PTPRD: variants seen among roughly 807,000 people sequenced by gnomAD.
PTPRD encodes protein tyrosine phosphatase receptor type D, also known as receptor-type tyrosine-protein phosphatase delta.
In PTPRD, 34 loss-of-function variants were observed where a neutral mutation model predicts 214.5. The ratio of observed to expected loss-of-function variants is 0.16; its 90% CI spans 0.12 to 0.21. The LOEUF (loss-of-function observed/expected upper bound fraction) is 0.21, where lower values mean the gene tolerates loss of function less well. PTPRD is among the 10% of genes least tolerant of loss of function. PTPRD has a pLI of 1.00. For synonymous variants in PTPRD, 1,128 were observed against 845.7 expected, an observed-to-expected ratio of 1.33 and a Z score of -5.79; for missense variants, 2,545 against 2,398.7, an observed-to-expected ratio of 1.06 and a Z score of -1.27.
chr9:10,367,529 G>A (rs1283850425), intron 2 of PTPRD, among the ~76,000 whole-genome samples: 1 of 152,088 alleles, frequency 6.6e-6, no homozygotes, highest in African/African-American at 2.4e-5. Flanking sequence ...TCACGTCCTG[G>A]AAGCCCAATG....
chr9:9,470,930 G>A lies in PTPRD; in HGVS notation c.-236-73448C>T, dbSNP rs570924124. Among the ~76,000 whole-genome samples, 4 of 152,228 alleles carry A rather than the reference G, an allele frequency of 2.6e-5. No individual in the cohort carries two copies. In the South Asian group the frequency reaches 8.3e-4, roughly 32 times the overall value. On this transcript the variant is annotated intron_variant, in intron 8 of 45. Transcript: ENST00000381196. ...TTCAATCATAAATGATTGGTGGGAT[G>A]GAAACTTAGACTGTAGTATCTGGAT...
intron 2 of PTPRD, among the ~76,000 whole-genome samples, chr9:10,582,418 A>T (rs554626335): frequency 2.6e-5 from 4 of 152,182 alleles, no homozygotes; most frequent in East Asian, 3.9e-4. Flanking sequence ...TTTAGAATCA[A>T]TGTTAAAGTT....
At chr9:9,204,205 T>C (rs2132440268) in intron 9 of PTPRD, among the ~76,000 whole-genome samples, 1 of 152,332 alleles carries the variant, frequency 6.6e-6, no homozygotes, top group East Asian at 1.9e-4. Context: ...GGAATTGAGT[T>C]GGTAAATCTG....
At chr9:9,172,230 A>G (rs2099921910) in intron 10 of PTPRD, among the ~76,000 whole-genome samples, 1 of 152,192 alleles carries the variant, frequency 6.6e-6, no homozygotes, top group Non-Finnish European at 1.5e-5. Context: ...TGAGTGCTGC[A>G]TGAATATTTG....
intron 15 of PTPRD, 39 bp from the exon 16 acceptor site, chr9:8,527,392 A>C: frequency 6.3e-7 from 1 of 1,583,558 alleles, no homozygotes; most frequent in Non-Finnish European, 8.6e-7. Flanking sequence ...GACAGCATAA[A>C]AATATTATTA....
intron 10 of PTPRD, among the ~76,000 whole-genome samples, chr9:9,035,106 T>C (rs893300257): frequency 5.3e-5 from 8 of 152,108 alleles, no homozygotes; most frequent in African/African-American, 1.9e-4. Context: ...TAAATATTTG[T>C]ATTCATAGTG....
rs185264300 is a variant in PTPRD, at chr9:8,539,718, A to C, written c.353-10939T>G. 1.6e-3 allele frequency among the ~76,000 whole-genome samples: 243 copies of C among 152,198 alleles called. 1 individual carries two copies. Among genetic ancestry groups the C allele is most frequent in the African/African-American group, 5.6e-3 (233 of 41,568 alleles). On this transcript the variant is annotated intron_variant, in intron 14 of 45. Coordinates refer to ENST00000381196, the MANE Select transcript of PTPRD (RefSeq NM_002839.4). ...CACCAGTAAACATCAGCAAAACCCCAAACAAGAACATTTTGTTAAATAACA... is the reference window on the plus strand; with the variant it reads ...CACCAGTAAACATCAGCAAAACCCCCAACAAGAACATTTTGTTAAATAACA...
chr9:8,373,612 GGTGTGTGTGTGT>G (rs36212158), intron 39 of PTPRD, among the ~76,000 whole-genome samples: 3,687 of 141,498 alleles, frequency 0.026, 68 homozygotes, highest in African/African-American at 0.053. Context: ...CATGGATGCG[GGTGTGTGTGTGT>G]GTGTGTGTGT....
chr9:8,935,538 T>C (rs560931971), intron 11 of PTPRD, among the ~76,000 whole-genome samples: 2 of 152,298 alleles, frequency 1.3e-5, no homozygotes, highest in East Asian at 1.9e-4. Context: ...ACTACCTTTT[T>C]TCATGCCTTC....
In PTPRD at chr9:8,414,956, A is replaced by G. The variant is rs58478400; in HGVS notation, c.4087-10296T>C. ...GAGAGAGAGAGAGAGAGAGAGAGAG[A>G]GAGAGAGAGAGAGAGAGACAGACAG... On this transcript the variant is annotated intron_variant, in intron 35 of 45. Transcript: ENST00000381196. 2.2e-4 allele frequency among the ~76,000 whole-genome samples: 32 copies of G among 147,732 alleles called. No homozygotes were observed. The South Asian group carries it at 3.1e-3, about 14-fold the overall frequency.
intron 5 of PTPRD, among the ~76,000 whole-genome samples, chr9:9,827,056 A>G (rs959891677): frequency 1.3e-5 from 2 of 152,176 alleles, no homozygotes; most frequent in Non-Finnish European, 2.9e-5. Context: ...AAGAATCAAT[A>G]TCGTGAAAAT....
rs1567096456 is a variant in PTPRD, at chr9:8,934,417, G to GTC, written c.-104+84279_-104+84280insGA. Among the ~76,000 whole-genome samples the GTC allele has an allele frequency of 4.7e-4, 17 of 36,206 alleles. 1 individual carries two copies. The highest frequency in any genetic ancestry group is 2.5e-3 in the African/African-American group (17 of 6,710). The allele number at this position is 36,206 out of a possible 152,430, so 23.8% of individuals were successfully genotyped here. On this transcript the variant is annotated intron_variant, in intron 11 of 45. Transcript: ENST00000381196. ...TATGTGTGTGTGTGTGTGTGTGTGT[G>GTC]TGTGTATATATATATATAAATATAT...
intron 10 of PTPRD, among the ~76,000 whole-genome samples, chr9:9,136,115 G>A (rs2099850441): frequency 6.6e-6 from 1 of 152,012 alleles, no homozygotes; most frequent in African/African-American, 2.4e-5. Context: ...GTATAGAAAG[G>A]TGAATTCTCA....
chr9:9,017,108 T>C (rs1380443624), intron 11 of PTPRD, among the ~76,000 whole-genome samples: 1 of 152,026 alleles, frequency 6.6e-6, no homozygotes, highest in African/African-American at 2.4e-5. Context: ...ATTAGTAAGA[T>C]TATCATCGCA....
intron 5 of PTPRD, among the ~76,000 whole-genome samples, chr9:9,862,806 T>C (rs1287002852): frequency 2.6e-5 from 4 of 152,156 alleles, no homozygotes; most frequent in African/African-American, 9.7e-5. Context: ...GAAAAGTATC[T>C]ACAATTTTCT....
At chr9:10,198,281 T>C (rs1390041402) in intron 3 of PTPRD, among the ~76,000 whole-genome samples, 1 of 152,086 alleles carries the variant, frequency 6.6e-6, no homozygotes, top group East Asian at 1.9e-4. Flanking sequence ...AAAGAATAGG[T>C]ACAGTATGAT....
At chr9:8,878,044 A>T (rs887277595) in intron 11 of PTPRD, among the ~76,000 whole-genome samples, 2 of 152,206 alleles carry the variant, frequency 1.3e-5, no homozygotes, top group Non-Finnish European at 2.9e-5. Flanking sequence ...TATACACTTT[A>T]TATAATTGAG....
At chr9:8,541,982 T>A in intron 14 of PTPRD, among the ~76,000 whole-genome samples, 1 of 151,756 alleles carries the variant, frequency 6.6e-6, no homozygotes, top group African/African-American at 2.4e-5. Context: ...CTACCAAAAG[T>A]TACATGAATG....
chr9:9,583,344 C>G (rs571211558), intron 7 of PTPRD, among the ~76,000 whole-genome samples: 1 of 151,854 alleles, frequency 6.6e-6, no homozygotes, highest in Non-Finnish European at 1.5e-5. Flanking sequence ...AGAAAAATGC[C>G]GCTCTAAATT....
Sources: allele counts gnomAD v4.1 joint callset (sites outside exome capture counted in the v4.1 genomes callset), GRCh38; gene constraint gnomAD v4.1.1; transcripts MANE v1.5; gene names NCBI Gene and HGNC (gene_info 2026-07-23, HGNC 2026-07-21).